The following HLA-F variants were observed in gnomAD, a reference collection of about 807,000 sequenced individuals.
HLA-F encodes major histocompatibility complex, class I, F, also known as HLA class I histocompatibility antigen, alpha chain F.
In HLA-F, 46 loss-of-function variants were observed where a neutral mutation model predicts 49.5. The observed-to-expected ratio is 0.93, with a 90% confidence interval of 0.73 to 1.19. The LOEUF (loss-of-function observed/expected upper bound fraction) is 1.19, where lower values mean the gene tolerates loss of function less well. Among genes scored for constraint, HLA-F ranks in the 50% most tolerant of loss-of-function variants. The pLI, the probability that HLA-F is intolerant of heterozygous loss-of-function variation, is 0.00. For missense variants in HLA-F, 496 were observed against 579.6 expected (o/e 0.86, Z 1.48); for synonymous variants, 203 against 233.5 (o/e 0.87, Z 1.19).
chr6:29,726,795 T>A, intron 6 of HLA-F, 88 bp from the exon 7 acceptor site: 2 of 1,461,642 alleles, frequency 1.4e-6, no homozygotes, highest in East Asian at 2.3e-5. Context: ...TGTCACAAAC[T>A]TCTTCACAGC....
intron 3 of HLA-F, among the ~76,000 whole-genome samples, chr6:29,737,541 G>C (rs1777223026): frequency 6.6e-6 from 1 of 152,130 alleles, no homozygotes; most frequent in Admixed American, 6.5e-5. Context: ...CATTGAGCTG[G>C]GGCAGTTGAT....
At chr6:29,724,550 T>A (rs1225702261) in intron 3 of HLA-F, 102 bp downstream of exon 3, 1 of 1,188,232 alleles carries the variant, frequency 8.4e-7, no homozygotes, top group African/African-American at 1.5e-5. Context: ...GATATCGCCC[T>A]CCCTCTAGTC....
intron 1 of HLA-F, 30 bp from the exon 2 acceptor site, chr6:29,723,628 T>C: frequency 6.2e-7 from 1 of 1,604,372 alleles, no homozygotes; most frequent in Non-Finnish European, 8.5e-7. Flanking sequence ...GAGGAGGGTC[T>C]GGCGGGTCTC....
At chr6:29,732,425 G>A (rs1037947550) in intron 3 of HLA-F, among the ~76,000 whole-genome samples, 2 of 152,146 alleles carry the variant, frequency 1.3e-5, no homozygotes, top group African/African-American at 4.8e-5. Context: ...GATGCAGCTT[G>A]TAAAAGTGTG....
downstream of HLA-F, among the ~76,000 whole-genome samples, chr6:29,731,272 GAT>G (rs28724920): frequency 6.6e-6 from 1 of 150,638 alleles, no homozygotes; most frequent in Non-Finnish European, 1.5e-5. Context: ...TAGATAGATA[GAT>G]AGATAGACAA....
intron 3 of HLA-F, chr6:29,735,727 G>A (rs1777033610): frequency 1.3e-5 from 2 of 152,026 alleles, no homozygotes; most frequent in African/African-American, 4.8e-5. Context: ...GGAAGGTTTG[G>A]AGTTATTCTT....
intron 3 of HLA-F, chr6:29,736,224 T>C (rs1777085986): frequency 2.8e-6 from 1 of 360,968 alleles, no homozygotes; most frequent in East Asian, 7.4e-5. Flanking sequence ...GGGCATCATT[T>C]CACACCCTCC....
In HLA-F at chr6:29,737,218, C is replaced by CAAAAAAAAAAAAA. The variant is rs3030698; in HGVS notation, c.404-893_404-881dup. ...GATATAGTACCATCAATCCTCATGG[C>CAAAAAAAAAAAAA]AAAAAAAAAAAAAAAAAAAAAAACC... On this transcript the variant is annotated intron_variant, in intron 3 of 4. Coordinates refer to the HLA-F transcript ENST00000465459. Among the ~76,000 whole-genome samples, 44 of 65,194 alleles carry CAAAAAAAAAAAAA rather than the reference C, an allele frequency of 6.7e-4. 1 individual carries two copies. The highest frequency in any genetic ancestry group is 2.1e-3 in the African/African-American group (29 of 13,574). The allele number at this position is 65,194 out of a possible 152,430, so 42.8% of individuals were successfully genotyped here.
At position 29,725,113 on chromosome 6, in the gene HLA-F, T is replaced by G; in HGVS notation, c.693T>G (p.Pro231=). 1 of 1,613,990 alleles carries G rather than the reference T, an allele frequency of 6.2e-7. No homozygotes were observed. The highest frequency in any genetic ancestry group is 1.1e-5 in the South Asian group (1 of 91,070). ...GGTGCTGGGCCCTGGGCTTCTACCCTGCGGAGATCACGCTGACCTGGCAGC... is the reference window on the plus strand; with the variant it reads ...GGTGCTGGGCCCTGGGCTTCTACCCGGCGGAGATCACGCTGACCTGGCAGC... The part of the protein sequence containing the change: ...TLRCWALGFY[P]AEITLTWQRD... The change falls in exon 4 of 7, where the codon CCT becomes CCG. Residue 231 remains proline (P), a synonymous_variant. Coordinates refer to ENST00000259951, the MANE Select transcript of HLA-F (RefSeq NM_001098479.2).
downstream of HLA-F, chr6:29,727,936 C>T (rs2523404): frequency 0.42 from 218,176 of 517,768 alleles, 47,375 homozygotes; most frequent in Non-Finnish European, 0.46. Context: ...TATCTACTTC[C>T]GGATCACTTT....
In HLA-F at chr6:29,723,759, C is replaced by A. The variant is rs200319715; in HGVS notation, c.166C>A (p.Arg56=). 1.2e-6 allele frequency: 2 copies of A among 1,611,560 alleles called. No individual in the cohort carries two copies. Among genetic ancestry groups the A allele is most frequent in the Non-Finnish European group, 1.7e-6 (2 of 1,179,554 alleles). Residue 56 remains arginine (R), a synonymous_variant, in exon 2 of 7, where the codon CGG becomes AGG. Coordinates refer to ENST00000259951, the MANE Select transcript of HLA-F (RefSeq NM_001098479.2). ...GTACGTAGACGACACGCAATTCCTG[C>A]GGTTCGACAGCGACGCCGCGATTCC... ...VEYVDDTQFL[R]FDSDAAIPRM... is the part of the protein sequence containing the mutation.
downstream of HLA-F, chr6:29,727,327 A>G: frequency 1.9e-6 from 1 of 527,040 alleles, no homozygotes; most frequent in Non-Finnish European, 3.2e-6. Flanking sequence ...AAATATCTCC[A>G]CTTCTTTCAG....
chr6:29,727,966 C>T, downstream of HLA-F: 1 of 518,982 alleles, frequency 1.9e-6, no homozygotes, highest in South Asian at 1.4e-5. Flanking sequence ...GGCCCAGCTC[C>T]TGAGTGTCTC....
At chr6:29,731,246 T>C (rs1776574389), downstream of HLA-F, among the ~76,000 whole-genome samples, 1 of 151,246 alleles carries the variant, frequency 6.6e-6, no homozygotes, top group Non-Finnish European at 1.5e-5. Context: ...GATAGATAGA[T>C]AGATAGATAG....
chr6:29,730,212 T>C (rs1776451299), downstream of HLA-F, among the ~76,000 whole-genome samples: 1 of 152,236 alleles, frequency 6.6e-6, no homozygotes, highest in African/African-American at 2.4e-5. Context: ...GCACATAGCA[T>C]GGAATATTAT....
At chr6:29,726,176 C>A in intron 6 of HLA-F, 133 bp downstream of exon 6, 1 of 1,001,320 alleles carries the variant, frequency 1.0e-6, no homozygotes, top group Non-Finnish European at 1.6e-6. Flanking sequence ...TGTTCTACCC[C>A]AATCACTGAC....
At chr6:29,737,120 T>A (rs115042142) in intron 3 of HLA-F, among the ~76,000 whole-genome samples, 2,249 of 147,792 alleles carry the variant, frequency 0.015, 25 homozygotes, top group Admixed American at 0.034. Context: ...ATTTAGCCAC[T>A]GAACAGCAAT....
In HLA-F at chr6:29,724,458, G is replaced by A. The variant is rs1213512031; in HGVS notation, c.610+10G>A. The A allele has an allele frequency of 1.9e-6, 3 of 1,611,822 alleles. No homozygotes were observed. In the East Asian group the frequency reaches 6.7e-5, roughly 36 times the overall value. On this transcript the variant is annotated intron_variant, in intron 3 of 6. Coordinates refer to ENST00000259951, the MANE Select transcript of HLA-F (RefSeq NM_001098479.2). ...ACGCTACAGCGCGCAGGTACCAGGG[G>A]CCATGGGCGCCTTCCCTATCTCCTG... is the stretch of plus-strand genomic sequence containing the variant.
Position 29,727,104 on chromosome 6 carries a change from AG to A in HLA-F, c.1262del (p.Gly421AlafsTer13). 6.2e-7 allele frequency: 1 copy of A among 1,611,806 alleles called. No individual in the cohort carries two copies. The highest frequency in any genetic ancestry group is 8.5e-7 in the Non-Finnish European group (1 of 1,179,774). On this transcript the variant is annotated frameshift_variant, in exon 7 of 7. Coordinates refer to ENST00000259951, the MANE Select transcript of HLA-F (RefSeq NM_001098479.2). LOFTEE classifies it high-confidence loss of function. ...CCTTCGCTTTGGCTTCGGCTTTAGG[AG>A]GGGCAGGAGCTTCCTTCTTCGTTCT... ...QSLRFGFGFR[R>X]GRSFLLRSWH...
Sources: gnomAD v4.1 joint callset for allele counts (sites outside exome capture counted in the v4.1 genomes callset) on GRCh38, gnomAD v4.1.1 for gene constraint, MANE v1.5 for transcripts, NCBI Gene and HGNC (gene_info 2026-07-23, HGNC 2026-07-21) for gene names.